GRIK3: variants seen among roughly 807,000 people sequenced by gnomAD.
The protein encoded by GRIK3 is glutamate receptor ionotropic, kainate 3.
A neutral mutation model predicts 102.5 loss-of-function variants in GRIK3; 29 were observed. That is an observed-to-expected ratio of 0.28 (90% CI 0.21 to 0.39). The LOEUF is 0.39. Ranked by LOEUF, GRIK3 falls within the 10% of genes least tolerant of loss-of-function variation. The probability of loss-of-function intolerance (pLI) is 1.00; values close to 1 mark genes in which losing one functional copy is unlikely to be tolerated. For synonymous variants in GRIK3, 511 were observed against 504.9 expected (o/e 1.01, Z -0.16); for missense variants, 908 against 1,252.4 (o/e 0.73, Z 4.15).
intron 1 of GRIK3, among the ~76,000 whole-genome samples, chr1:36,907,106 G>A (rs373974162): frequency 3.3e-4 from 50 of 152,274 alleles, no homozygotes; most frequent in African/African-American, 1.1e-3. Flanking sequence ...TGGCTATTGG[G>A]CTGTAGTCTC....
intron 10 of GRIK3, among the ~76,000 whole-genome samples, chr1:36,834,152 A>T (rs1381444160): frequency 6.6e-6 from 1 of 152,214 alleles, no homozygotes; most frequent in Non-Finnish European, 1.5e-5. Flanking sequence ...GGATCAGGGA[A>T]GGGATCCTGC....
In GRIK3 at chr1:36,859,194, C is replaced by T; in HGVS notation, c.1018G>A (p.Ala340Thr). The T allele has an allele frequency of 6.2e-7, 1 of 1,613,840 alleles. No individual in the cohort carries two copies. The highest frequency in any genetic ancestry group is 8.5e-7 in the Non-Finnish European group (1 of 1,179,736). ...AGGGAGTTCACGGTCATCTGTGGTGCCCGCTGGTAGCACACGGACACGATA... is the reference window on the plus strand; with the variant it reads ...AGGGAGTTCACGGTCATCTGTGGTGTCCGCTGGTAGCACACGGACACGATA... ...VHIVSVCYQRAPQMTVNSLQC... is the reference protein window; with the variant it reads ...VHIVSVCYQRTPQMTVNSLQC... The change falls in exon 7 of 16, where the codon GCA (alanine) becomes ACA (threonine). Residue 340 changes from alanine (A) to threonine (T), a missense_variant. Transcript: ENST00000373091.
chr1:37,029,652 G>A (rs183051822), intron 1 of GRIK3, among the ~76,000 whole-genome samples: 32 of 152,334 alleles, frequency 2.1e-4, no homozygotes, highest in African/African-American at 6.5e-4. Context: ...CACAGCCCAC[G>A]GGGGCATCTG....
At chr1:36,997,427 G>A (rs1458663960) in intron 1 of GRIK3, among the ~76,000 whole-genome samples, 4 of 152,352 alleles carry the variant, frequency 2.6e-5, no homozygotes, top group South Asian at 4.1e-4. Context: ...AACACTCGCA[G>A]TTGTTAAATC....
chr1:36,864,510 C>T (rs1306332761), intron 5 of GRIK3, among the ~76,000 whole-genome samples: 1 of 152,174 alleles, frequency 6.6e-6, no homozygotes, highest in Admixed American at 6.5e-5. Context: ...TCGATTTACC[C>T]TCATCTAGGT....
At chr1:36,874,178 G>A (rs774959817) in intron 3 of GRIK3, among the ~76,000 whole-genome samples, 16 of 152,112 alleles carry the variant, frequency 1.1e-4, no homozygotes, top group Admixed American at 2.6e-4. Flanking sequence ...AAAGCCTTCC[G>A]GCAGAGAATC....
In GRIK3 at chr1:36,927,484, A is replaced by G. The variant is rs112424794; in HGVS notation, c.116-36388T>C. On this transcript the variant is annotated intron_variant, in intron 1 of 15. Coordinates refer to ENST00000373091, the MANE Select transcript of GRIK3 (RefSeq NM_000831.4). Reference sequence around the variant, plus strand: ...TTTAGCACTAACAGGCCCCGTGTCAAGGAACTGCCAGTGTCCTAGTTTGCA... The same window carrying G: ...TTTAGCACTAACAGGCCCCGTGTCAGGGAACTGCCAGTGTCCTAGTTTGCA... 8.9e-3 allele frequency among the ~76,000 whole-genome samples: 1,361 copies of G among 152,258 alleles called. 15 individuals are homozygous for G. The highest frequency in any genetic ancestry group is 0.012 in the Non-Finnish European group (834 of 68,020).
At chr1:36,858,530 A>G (rs979449648) in intron 7 of GRIK3, among the ~76,000 whole-genome samples, 4 of 152,216 alleles carry the variant, frequency 2.6e-5, no homozygotes, top group Non-Finnish European at 5.9e-5. Context: ...CTCTAGAATC[A>G]GCTCCATTGA....
chr1:36,892,521 A>AC lies in GRIK3; in HGVS notation c.116-1426_116-1425insG, dbSNP rs572013159. Among the ~76,000 whole-genome samples the AC allele has an allele frequency of 5.9e-5, 9 of 151,898 alleles. No homozygotes were observed. The South Asian group carries it at 1.9e-3, about 32-fold the overall frequency. On this transcript the variant is annotated intron_variant, in intron 1 of 15. Coordinates refer to ENST00000373091, the MANE Select transcript of GRIK3 (RefSeq NM_000831.4). The stretch of plus-strand genomic sequence containing the variant: ...AAATTAAAAATGACCAGCACAAAAA[A>AC]AAAAAACACCTTTAATGAGAGATAT...
intron 1 of GRIK3, among the ~76,000 whole-genome samples, chr1:36,939,312 A>G (rs1641695008): frequency 6.6e-6 from 1 of 152,232 alleles, no homozygotes; most frequent in Non-Finnish European, 1.5e-5. Context: ...TGGAGGAAGA[A>G]ACTCTCTCAA....
At chr1:36,888,991 G>A (rs1224611839) in intron 2 of GRIK3, among the ~76,000 whole-genome samples, 1 of 152,020 alleles carries the variant, frequency 6.6e-6, no homozygotes, top group Non-Finnish European at 1.5e-5. Context: ...TTGTGCATCC[G>A]ATCAAACTAC....
At position 36,890,869 on chromosome 1, in the gene GRIK3, C is replaced by T. The variant is rs763966340; in HGVS notation, c.292+51G>A. On this transcript the variant is annotated intron_variant, in intron 2 of 15. Transcript: ENST00000373091. ...AGGATCTTGGACAGCAAATGCAGCG[C>T]TTCCCCTCCCCAGGCTGGGAAGAGA... The T allele has an allele frequency of 4.8e-6, 7 of 1,447,194 alleles. 1 individual carries two copies. In the South Asian group the frequency reaches 6.8e-5, roughly 14 times the overall value. 89.6% of individuals were successfully genotyped at this position (1,447,194 alleles called of 1,614,324 possible).
intron 2 of GRIK3, among the ~76,000 whole-genome samples, chr1:36,887,617 G>A (rs1176690449): frequency 1.3e-5 from 2 of 151,888 alleles, no homozygotes; most frequent in African/African-American, 4.8e-5. Flanking sequence ...TCATTTGGGT[G>A]TGGTGGTGGA....
chr1:37,030,868 A>T (rs1393918562), intron 1 of GRIK3, among the ~76,000 whole-genome samples: 1 of 152,128 alleles, frequency 6.6e-6, no homozygotes, highest in Non-Finnish European at 1.5e-5. Flanking sequence ...TAGTTTACAG[A>T]TGGAGAAACT....
chr1:36,847,669 G>C (rs998996450), intron 9 of GRIK3, among the ~76,000 whole-genome samples: 1 of 152,226 alleles, frequency 6.6e-6, no homozygotes, highest in Admixed American at 6.5e-5. Flanking sequence ...TGAACTCTAT[G>C]AAGTAGGTGC....
chr1:36,888,540 G>T (rs943443753), intron 2 of GRIK3, among the ~76,000 whole-genome samples: 1 of 151,956 alleles, frequency 6.6e-6, no homozygotes, highest in African/African-American at 2.4e-5. Context: ...TCCCTTTCCT[G>T]CACTCTCTCC....
chr1:36,891,216 C>T, intron 1 of GRIK3, 120 bp from the exon 2 acceptor site: 1 of 693,078 alleles, frequency 1.4e-6, no homozygotes, highest in South Asian at 2.2e-5. Context: ...CAATAATATC[C>T]TAGGTAACTG....
In GRIK3 at chr1:36,841,806, T is replaced by C; in HGVS notation, c.1460A>G (p.Glu487Gly). Residue 487 changes from glutamate to glycine, a missense_variant, in exon 10 of 16, where the codon GAG (glutamate) becomes GGG (glycine). This residue lies in a region of GRIK3 where 585 missense variants were observed against 824.9 expected (regional missense o/e 0.71). Coordinates refer to ENST00000373091, the MANE Select transcript of GRIK3 (RefSeq NM_000831.4). ...LGFSYEIRLVEDGKYGAQDDK... is the reference protein window; with the variant it reads ...LGFSYEIRLVGDGKYGAQDDK... ...ATCCTGTGCCCCGTACTTGCCGTCC[T>C]CCACCAGCCGGATCTCATAGGAGAA... The C allele has an allele frequency of 6.2e-7, 1 of 1,614,188 alleles. No individual in the cohort carries two copies. The highest frequency in any genetic ancestry group is 8.5e-7 in the Non-Finnish European group (1 of 1,180,036).
intron 13 of GRIK3, among the ~76,000 whole-genome samples, chr1:36,811,955 G>A (rs190642997): frequency 6.6e-6 from 1 of 152,230 alleles, no homozygotes; most frequent in East Asian, 1.9e-4. Context: ...CTCAAATCCT[G>A]GTCTGTCTGA....
Sources: allele counts gnomAD v4.1 joint callset (sites outside exome capture counted in the v4.1 genomes callset), GRCh38; gene constraint gnomAD v4.1.1; regional missense constraint gnomAD v4.1.1; transcripts MANE v1.5; gene names NCBI Gene and HGNC (gene_info 2026-07-23, HGNC 2026-07-21).